Variants in DAB2IP observed in about 807,000 individuals in gnomAD.
DAB2IP encodes disabled homolog 2-interacting protein.
DAB2IP carries 28 observed loss-of-function variants against 107.2 expected under a neutral mutation model. That is an observed-to-expected ratio of 0.26 (90% CI 0.19 to 0.36). The LOEUF (loss-of-function observed/expected upper bound fraction) is 0.36. Among genes scored for constraint, DAB2IP ranks in the 10% least tolerant of loss-of-function variants. The pLI, the probability that DAB2IP is intolerant of heterozygous loss-of-function variation, is 1.00. For missense variants in DAB2IP, 1,400 were observed against 1,644.7 expected (o/e 0.85, Z 2.57); for synonymous variants, 755 against 706.4 (o/e 1.07, Z -1.09).
intron 1 of DAB2IP, among the ~76,000 whole-genome samples, chr9:121,621,636 C>CT (rs538942620): frequency 0.04 from 5,387 of 134,852 alleles, 166 homozygotes; most frequent in African/African-American, 0.073. Context: ...TCTTTTTTTC[C>CT]TTTTTTTTTT....
intron 2 of DAB2IP, among the ~76,000 whole-genome samples, chr9:121,687,521 C>T (rs893655559): frequency 6.6e-6 from 1 of 152,172 alleles, no homozygotes; most frequent in South Asian, 2.1e-4. Flanking sequence ...GGGGGTAAGG[C>T]GGGCATTGTG....
chr9:121,625,613 G>A (rs552258198), intron 1 of DAB2IP, among the ~76,000 whole-genome samples: 1 of 151,388 alleles, frequency 6.6e-6, no homozygotes, highest in East Asian at 1.9e-4. Flanking sequence ...GTTGCAGTGA[G>A]TAGGTTTTGG....
At chr9:121,735,950 C>G (rs1335693408) in intron 3 of DAB2IP, among the ~76,000 whole-genome samples, 2 of 152,252 alleles carry the variant, frequency 1.3e-5, no homozygotes, top group Non-Finnish European at 2.9e-5. Context: ...GCTCACACAG[C>G]TCACCAGCCT....
rs368189300 is a variant in DAB2IP at position 121,766,317 on chromosome 9, C to A, written c.1461-177C>A. On this transcript the variant is annotated intron_variant, in intron 8 of 15. Coordinates refer to ENST00000408936, the Ensembl canonical transcript of DAB2IP. ...CCTCCTGCCTGGGCACTTGCTCCAG[C>A]CACCCTGTATTGACTGCTCTCCCCA... 2.2e-4 allele frequency among the ~76,000 whole-genome samples: 34 copies of A among 152,360 alleles called. No homozygotes were observed. The South Asian group carries it at 6.8e-3, about 31-fold the overall frequency.
At chr9:121,768,146 G>C (rs1834420150) in intron 9 of DAB2IP, among the ~76,000 whole-genome samples, 1 of 152,200 alleles carries the variant, frequency 6.6e-6, no homozygotes, top group Non-Finnish European at 1.5e-5. Context: ...TACCAGGGCA[G>C]TGAAACTTGG....
intron 1 of DAB2IP, among the ~76,000 whole-genome samples, chr9:121,577,907 C>G (rs748785497): frequency 4.6e-5 from 7 of 152,156 alleles, no homozygotes; most frequent in Non-Finnish European, 1.0e-4. Flanking sequence ...GGGCGTCACT[C>G]AGGGGTCCTT....
At chr9:121,667,640 G>A (rs985645416) in intron 1 of DAB2IP, among the ~76,000 whole-genome samples, 3 of 151,422 alleles carry the variant, frequency 2.0e-5, no homozygotes, top group South Asian at 2.1e-4. Flanking sequence ...ACAGTTGTGC[G>A]TCACCACACC....
chr9:121,657,009 C>G (rs1193959441), intron 1 of DAB2IP, among the ~76,000 whole-genome samples: 2 of 152,258 alleles, frequency 1.3e-5, no homozygotes, highest in African/African-American at 4.8e-5. Flanking sequence ...CTCTCACAGT[C>G]TTGGTCAAAG....
At chr9:121,646,079 C>T (rs559176302) in intron 1 of DAB2IP, among the ~76,000 whole-genome samples, 1 of 152,340 alleles carries the variant, frequency 6.6e-6, no homozygotes, top group Admixed American at 6.5e-5. Context: ...CTCCCCGAGG[C>T]TCTGTCTCTG....
intron 3 of DAB2IP, chr9:121,742,857 T>C (rs867493227): frequency 7.4e-5 from 73 of 985,472 alleles, no homozygotes; most frequent in Admixed American, 6.8e-4. Context: ...AAGGAAAAGA[T>C]AGACCCGACC....
chr9:121,652,028 C>A, intron 1 of DAB2IP, 129 bp downstream of exon 1: 1 of 853,624 alleles, frequency 1.2e-6, no homozygotes, highest in Non-Finnish European at 1.6e-6. Flanking sequence ...CCGCCCCTTC[C>A]TGAGTCTGCC....
chr9:121,691,208 G>A (rs980532990), intron 2 of DAB2IP, among the ~76,000 whole-genome samples: 1 of 152,198 alleles, frequency 6.6e-6, no homozygotes, highest in Non-Finnish European at 1.5e-5. Context: ...AGGTTGCCAT[G>A]GCCCCTGCTC....
Position 121,678,668 on chromosome 9 carries a change from C to T in DAB2IP, c.125-10C>T. 1 of 1,536,304 alleles carries T rather than the reference C, an allele frequency of 6.5e-7. No individual in the cohort carries two copies. The highest frequency in any genetic ancestry group is 8.8e-7 in the Non-Finnish European group (1 of 1,135,544). On this transcript the variant is annotated splice_polypyrimidine_tract_variant and intron_variant, in intron 1 of 15. Transcript: ENST00000408936. ...TCTTGTTCAACCTCTCTCTCCTCCT[C>T]TGTTGGCAGAGTCGCCTCAAGAAAG... is the stretch of plus-strand genomic sequence containing the variant.
chr9:121,640,496 G>C (rs1832246358), intron 1 of DAB2IP, among the ~76,000 whole-genome samples: 2 of 152,152 alleles, frequency 1.3e-5, no homozygotes, highest in Non-Finnish European at 2.9e-5. Flanking sequence ...GAGGGCATCT[G>C]TTGCCCAAGC....
intron 3 of DAB2IP, among the ~76,000 whole-genome samples, chr9:121,727,011 G>C (rs1318312320): frequency 6.6e-6 from 1 of 152,140 alleles, no homozygotes; most frequent in Non-Finnish European, 1.5e-5. Flanking sequence ...GTAGGGATGT[G>C]GGGTGGTCTC....
chr9:121,739,866 G>A (rs933479895), intron 3 of DAB2IP, among the ~76,000 whole-genome samples: 3 of 152,166 alleles, frequency 2.0e-5, no homozygotes, highest in African/African-American at 7.2e-5. Flanking sequence ...AAGTGTCTCC[G>A]AAACAGCCCT....
In DAB2IP at chr9:121,684,116, T is replaced by C. The variant is rs1419958175; in HGVS notation, c.228+5335T>C. Among the ~76,000 whole-genome samples, 2 of 152,090 alleles carry C rather than the reference T, an allele frequency of 1.3e-5. No individual in the cohort carries two copies. Among genetic ancestry groups the C allele is most frequent in the African/African-American group, 2.4e-5 (1 of 41,388 alleles). On this transcript the variant is annotated intron_variant, in intron 2 of 15. Transcript: ENST00000408936. This position sits in a 1 kb window ranked among gnomAD's most constrained non-coding sequence, Gnocchi z 4.0. ...CTGTAGCCTCCCTGCACCCTCCCCA[T>C]GTTTCAGCTGTCTTTCTGTCACACA...
intron 1 of DAB2IP, among the ~76,000 whole-genome samples, chr9:121,596,186 C>A (rs995961196): frequency 6.6e-6 from 1 of 152,136 alleles, no homozygotes; most frequent in Non-Finnish European, 1.5e-5. Flanking sequence ...ACAAAATTAG[C>A]TGGGCATGGT....
intron 1 of DAB2IP, among the ~76,000 whole-genome samples, chr9:121,625,462 AT>A (rs1831611477): frequency 6.6e-6 from 1 of 151,460 alleles, no homozygotes; most frequent in Admixed American, 6.6e-5. Context: ...GGATTTTGCT[AT>A]GTTAGCCAGG....
Sources: allele counts gnomAD v4.1 joint callset (sites outside exome capture counted in the v4.1 genomes callset), GRCh38; gene constraint gnomAD v4.1.1; non-coding constraint Gnocchi (gnomAD v3.1); transcripts MANE v1.5; gene names NCBI Gene and HGNC (gene_info 2026-07-23, HGNC 2026-07-21).